The following MERTK variants were observed in gnomAD, a reference collection of about 807,000 sequenced individuals.
MERTK encodes MER proto-oncogene, tyrosine kinase.
MERTK carries 69 observed loss-of-function variants against 99.3 expected under a neutral mutation model. The ratio of observed to expected loss-of-function variants is 0.70; its 90% CI spans 0.57 to 0.85. MERTK has a LOEUF of 0.85. Ranked by LOEUF, MERTK falls within the 40% of genes least tolerant of loss-of-function variation. MERTK has a pLI of 0.00. For synonymous variants in MERTK, 426 were observed against 467.6 expected, an observed-to-expected ratio of 0.91 and a Z score of 1.15; for missense variants, 1,125 against 1,249.4, an observed-to-expected ratio of 0.90 and a Z score of 1.50.
At chr2:112,004,100 G>C in intron 13 of MERTK, 116 bp downstream of exon 13, 1 of 850,170 alleles carries the variant, frequency 1.2e-6, no homozygotes, top group Non-Finnish European at 2.0e-6. Context: ...AGGCAATGTG[G>C]AACACTGGTC....
intron 1 of MERTK, among the ~76,000 whole-genome samples, chr2:111,899,770 C>T (rs952599457): frequency 2.0e-5 from 3 of 152,118 alleles, no homozygotes; most frequent in African/African-American, 7.2e-5. Flanking sequence ...CTCTCCTTGG[C>T]CTCCCAAAGT....
At chr2:111,941,065 T>A (rs1684857982) in intron 2 of MERTK, 1 of 453,074 alleles carries the variant, frequency 2.2e-6, no homozygotes, top group East Asian at 4.8e-5. Context: ...TCTTTGGCTT[T>A]TACTCTTTTA....
chr2:111,989,655 G>A (rs897958481), intron 8 of MERTK, among the ~76,000 whole-genome samples: 4 of 152,164 alleles, frequency 2.6e-5, no homozygotes, highest in East Asian at 1.9e-4. Context: ...ACTCCTGGAC[G>A]GGTTGTGAAT....
chr2:112,027,163 T>TTA lies in MERTK; in HGVS notation c.2487-1175_2487-1174dup, dbSNP rs1054067125. Among the ~76,000 whole-genome samples the TTA allele has an allele frequency of 7.2e-4, 107 of 149,626 alleles. No homozygotes were observed. In the Middle Eastern group the frequency reaches 0.011, roughly 15 times the overall value. ...AATAAATACATCTATTTTTAAAATT[T>TTA]TATATATATATATACACACACACAC... On this transcript the variant is annotated intron_variant, in intron 18 of 18. Transcript: ENST00000295408.
chr2:111,978,400 C>T (rs1451740367), intron 7 of MERTK, among the ~76,000 whole-genome samples: 3 of 152,138 alleles, frequency 2.0e-5, no homozygotes, highest in Non-Finnish European at 4.4e-5. Flanking sequence ...CTGCCTTGGC[C>T]TCCCAAAGTG....
At position 111,929,482 on chromosome 2, in the gene MERTK, C is replaced by G. The variant is rs1290900394; in HGVS notation, c.424C>G (p.His142Asp). 5.6e-6 allele frequency: 9 copies of G among 1,614,046 alleles called. No individual in the cohort carries two copies. The highest frequency in any genetic ancestry group is 6.8e-6 in the Non-Finnish European group (8 of 1,180,020). Reference sequence around the variant, plus strand: ...TGGGAAGGAATTGCTTGGGGCACATCATGCAATTACACAGTTTTATCCAGA... The same window carrying G: ...TGGGAAGGAATTGCTTGGGGCACATGATGCAATTACACAGTTTTATCCAGA... ...KDGKELLGAH[H>D]AITQFYPDDE... Residue 142 changes from histidine (H) to aspartate (D), a missense_variant, in exon 2 of 19, where the codon CAT becomes GAT. Coordinates refer to ENST00000295408, the MANE Select transcript of MERTK (RefSeq NM_006343.3).
chr2:111,958,062 C>T (rs536569844), intron 4 of MERTK, among the ~76,000 whole-genome samples: 3 of 152,094 alleles, frequency 2.0e-5, no homozygotes, highest in Non-Finnish European at 2.9e-5. Flanking sequence ...GCAAGAGGGG[C>T]GTGAACCATC....
intron 1 of MERTK, among the ~76,000 whole-genome samples, chr2:111,912,078 C>T (rs148976329): frequency 0.052 from 7,918 of 152,032 alleles, 268 homozygotes; most frequent in Middle Eastern, 0.11. Flanking sequence ...TCTCGGCTCA[C>T]TGCAACCTCC....
intron 1 of MERTK, 44 bp downstream of exon 1, chr2:111,898,840 C>A: frequency 6.4e-7 from 1 of 1,552,454 alleles, no homozygotes; most frequent in South Asian, 1.2e-5. Flanking sequence ...GTGGGGGCTC[C>A]CAGGAGGAAG....
At chr2:111,952,570 G>C (rs1042319770) in intron 4 of MERTK, 5 of 152,218 alleles carry the variant, frequency 3.3e-5, no homozygotes, top group Admixed American at 1.3e-4. Context: ...GTCTGAGTTT[G>C]TCCAGCTGAC....
intron 2 of MERTK, chr2:111,940,344 A>G: frequency 1.9e-6 from 1 of 518,828 alleles, no homozygotes; most frequent in Non-Finnish European, 3.9e-6. Context: ...TCCTTGCATC[A>G]GCAATAATTG....
chr2:111,925,795 G>A (rs1174524610), intron 1 of MERTK, among the ~76,000 whole-genome samples: 1 of 151,312 alleles, frequency 6.6e-6, no homozygotes, highest in African/African-American at 2.4e-5. Flanking sequence ...TATCTTGCAG[G>A]GTTGGGCTTA....
At chr2:111,954,102 G>T (rs936609815) in intron 4 of MERTK, among the ~76,000 whole-genome samples, 1 of 152,076 alleles carries the variant, frequency 6.6e-6, no homozygotes, top group Non-Finnish European at 1.5e-5. Flanking sequence ...CTCATTCCTG[G>T]CATGACTCCC....
chr2:111,914,409 C>T (rs1684311501), intron 1 of MERTK, among the ~76,000 whole-genome samples: 1 of 152,182 alleles, frequency 6.6e-6, no homozygotes, highest in African/African-American at 2.4e-5. Context: ...TCCCAAGTAG[C>T]TGGGACTGCA....
At position 111,994,360 on chromosome 2, in the gene MERTK, T is replaced by C; in HGVS notation, c.1406T>C (p.Val469Ala). ...VRIAAVTRGG[V>A]GPFSDPVKIF... is the part of the protein sequence containing the mutation. ...ATTGCAGCCGTCACCAGAGGGGGAGTTGGGCCCTTCAGTGATCCAGTGAAA... is the reference window on the plus strand; with the variant it reads ...ATTGCAGCCGTCACCAGAGGGGGAGCTGGGCCCTTCAGTGATCCAGTGAAA... The change falls in exon 9 of 19, where the codon GTT becomes GCT. Residue 469 changes from valine to alanine, a missense_variant. Val to Ala is a moderately conservative substitution (Grantham distance 64). Coordinates refer to ENST00000295408, the MANE Select transcript of MERTK (RefSeq NM_006343.3). The C allele has an allele frequency of 6.2e-7, 1 of 1,613,960 alleles. No individual in the cohort carries two copies. The highest frequency in any genetic ancestry group is 1.1e-5 in the South Asian group (1 of 91,052).
At chr2:111,979,847 C>T (rs955587945) in intron 7 of MERTK, among the ~76,000 whole-genome samples, 5 of 152,010 alleles carry the variant, frequency 3.3e-5, no homozygotes, top group African/African-American at 1.2e-4. Flanking sequence ...CTCCCTAGTT[C>T]CCTACACTAG....
At chr2:111,986,521 T>A (rs1554215) in intron 8 of MERTK, among the ~76,000 whole-genome samples, 94,157 of 152,192 alleles carry the variant, frequency 0.62, 29,517 homozygotes, top group Middle Eastern at 0.69. Context: ...TACTTCTGGC[T>A]TGGGTGAAAG....
intron 7 of MERTK, among the ~76,000 whole-genome samples, chr2:111,978,894 A>G (rs1450022240): frequency 6.6e-6 from 1 of 152,154 alleles, no homozygotes; most frequent in African/African-American, 2.4e-5. Context: ...AAGATTTATT[A>G]GGCAGAACCT....
chr2:112,028,397 C>T lies in MERTK; in HGVS notation c.2533C>T (p.Pro845Ser), dbSNP rs148926887. The change falls in exon 19 of 19, where the codon CCC (proline) becomes TCC (serine). Residue 845 changes from proline to serine, a missense_variant. Transcript: ENST00000295408. Reference sequence around the variant, plus strand: ...CTGGAGAACCGATCCCTTAGACCGCCCCACCTTTTCAGTATTGAGGCTGCA... The same window carrying T: ...CTGGAGAACCGATCCCTTAGACCGCTCCACCTTTTCAGTATTGAGGCTGCA... ...SCWRTDPLDR[P>S]TFSVLRLQLE... The T allele has an allele frequency of 1.2e-5, 20 of 1,614,092 alleles. No homozygotes were observed. The highest frequency in any genetic ancestry group is 1.6e-4 in the Middle Eastern group (1 of 6,062).
Sources: gnomAD v4.1 joint callset for allele counts (sites outside exome capture counted in the v4.1 genomes callset) on GRCh38, gnomAD v4.1.1 for gene constraint, MANE v1.5 for transcripts, NCBI Gene and HGNC (gene_info 2026-07-23, HGNC 2026-07-21) for gene names.